Variants in ANKFN1 observed in about 807,000 individuals in gnomAD.
The protein encoded by ANKFN1 is ankyrin repeat and fibronectin type III domain containing 1, also known as ankyrin repeat and fibronectin type-III domain-containing protein 1.
A neutral mutation model predicts 108.7 loss-of-function variants in ANKFN1; 74 were observed. That is an observed-to-expected ratio of 0.68 (90% CI 0.56 to 0.83). The LOEUF (loss-of-function observed/expected upper bound fraction) is 0.83. Ranked by LOEUF, ANKFN1 falls within the 40% of genes least tolerant of loss-of-function variation. ANKFN1 has a pLI of 0.00. For missense variants in ANKFN1, 1,505 were observed against 1,382.3 expected (o/e 1.09, Z -1.41); for synonymous variants, 547 against 516.2 (o/e 1.06, Z -0.81).
At chr17:56,245,816 T>C (rs1313972973) in intron 3 of ANKFN1, 5 of 152,068 alleles carry the variant, frequency 3.3e-5, no homozygotes, top group African/African-American at 1.2e-4. Context: ...GCCCTGCTGG[T>C]AATTGGTTTT....
intron 10 of ANKFN1, 37 bp from the exon 11 acceptor site, chr17:56,449,042 T>G (rs1025043389): frequency 2.5e-6 from 4 of 1,593,222 alleles, no homozygotes; most frequent in Non-Finnish European, 3.4e-6. Flanking sequence ...CTCCCCTGTT[T>G]TAAAATTTCA....
At chr17:56,302,033 C>T (rs1325288892) in intron 3 of ANKFN1, among the ~76,000 whole-genome samples, 1 of 152,180 alleles carries the variant, frequency 6.6e-6, no homozygotes, top group East Asian at 1.9e-4. Context: ...TAAGCCTGGT[C>T]CTGGATCATA....
chr17:56,419,426 T>C lies in ANKFN1; in HGVS notation c.911-20901T>C, dbSNP rs1454715358. ...TGAACCTGGGAGGTGGAGGCTGCAG[T>C]GAGCCGAGATCCCGCCATTGCACTC... On this transcript the variant is annotated intron_variant, in intron 8 of 20. Transcript: ENST00000682825. Among the ~76,000 whole-genome samples the C allele has an allele frequency of 2.0e-5, 3 of 150,114 alleles. No homozygotes were observed. In the East Asian group the frequency reaches 5.9e-4, roughly 29 times the overall value.
Position 56,084,703 on chromosome 17 carries a change from T to A in ANKFN1, c.288+38378T>A, listed in dbSNP as rs1905286523. Reference sequence around the variant, plus strand: ...TACAGATAAAATATACCTCATGCTATTCTTTGTTTTCTCCTTGGATTTTCT... The same window carrying A: ...TACAGATAAAATATACCTCATGCTAATCTTTGTTTTCTCCTTGGATTTTCT... On this transcript the variant is annotated intron_variant, in intron 4 of 12. Coordinates refer to the ANKFN1 transcript ENST00000635860. Among the ~76,000 whole-genome samples the A allele has an allele frequency of 2.1e-5, 3 of 145,288 alleles. No homozygotes were observed. The South Asian group carries it at 6.3e-4, about 31-fold the overall frequency.
At position 56,510,410 on chromosome 17, in the gene ANKFN1, T is replaced by C. The variant is rs2051708096; in HGVS notation, c.2645-63T>C. ...TGCGGGGTCAAATGCACTGTTCCTA[T>C]GCCTGTGAAGCAGGCTCTAGCTAAG... On this transcript the variant is annotated intron_variant, in intron 20 of 20. Coordinates refer to ENST00000682825, the MANE Select transcript of ANKFN1 (RefSeq NM_001370326.1). The C allele has an allele frequency of 5.8e-6, 8 of 1,375,274 alleles. No homozygotes were observed. In the South Asian group the frequency reaches 9.6e-5, roughly 17 times the overall value. 85.2% of individuals were successfully genotyped at this position (1,375,274 alleles called of 1,614,324 possible). A position where few individuals can be genotyped will look rare whatever the true frequency, so the allele number is the denominator to read the frequency against.
chr17:56,304,505 G>A (rs888407876), intron 3 of ANKFN1, among the ~76,000 whole-genome samples: 5 of 152,110 alleles, frequency 3.3e-5, no homozygotes, highest in East Asian at 1.9e-4. Context: ...TGGGATAAAT[G>A]CCTAGTAGTG....
intron 6 of ANKFN1, among the ~76,000 whole-genome samples, chr17:56,357,816 G>A (rs1320178512): frequency 6.6e-6 from 1 of 152,116 alleles, no homozygotes; most frequent in Non-Finnish European, 1.5e-5. Flanking sequence ...GATGAGGTCT[G>A]AAGTTCTTAG....
intron 4 of ANKFN1, among the ~76,000 whole-genome samples, chr17:56,101,986 A>G (rs1369883322): frequency 2.6e-5 from 4 of 152,198 alleles, no homozygotes; most frequent in Non-Finnish European, 4.4e-5. Context: ...ATAGTTTTCA[A>G]AGATTCCATT....
intron 3 of ANKFN1, among the ~76,000 whole-genome samples, chr17:56,283,864 C>A (rs1441129324): frequency 1.3e-5 from 2 of 152,006 alleles, no homozygotes; most frequent in Non-Finnish European, 2.9e-5. Flanking sequence ...AACCAAATAC[C>A]ACCAGTTCCC....
intron 4 of ANKFN1, among the ~76,000 whole-genome samples, chr17:56,067,079 C>T (rs1162125015): frequency 6.6e-6 from 1 of 152,062 alleles, no homozygotes; most frequent in Admixed American, 6.5e-5. Context: ...GTCCTGGCCA[C>T]TCAGGAGGCT....
At chr17:56,121,227 G>A (rs769100393) in intron 4 of ANKFN1, among the ~76,000 whole-genome samples, 3 of 150,908 alleles carry the variant, frequency 2.0e-5, no homozygotes, top group Middle Eastern at 3.2e-3. Flanking sequence ...TCTTGGTGTC[G>A]CCCAGGAGTT....
intron 4 of ANKFN1, among the ~76,000 whole-genome samples, chr17:56,329,213 T>G (rs967939116): frequency 3.9e-5 from 6 of 152,194 alleles, no homozygotes; most frequent in African/African-American, 1.4e-4. Flanking sequence ...CTCTTCAGGC[T>G]TCTTTCCAAA....
chr17:56,330,247 A>AGCTCACATGGCTGTG (rs1555630624), intron 4 of ANKFN1, among the ~76,000 whole-genome samples: 3 of 151,976 alleles, frequency 2.0e-5, no homozygotes, highest in Admixed American at 6.6e-5. Context: ...CAATCATGGC[A>AGCTCACATGGCTGTG]GAAGGCAAAG....
chr17:56,417,434 T>A (rs1471160366), intron 8 of ANKFN1, among the ~76,000 whole-genome samples: 2 of 152,190 alleles, frequency 1.3e-5, no homozygotes, highest in East Asian at 3.9e-4. Flanking sequence ...TGATGCCTTG[T>A]CCCTGCTGTT....
At chr17:56,395,158 C>A (rs545637371) in intron 8 of ANKFN1, among the ~76,000 whole-genome samples, 2 of 152,268 alleles carry the variant, frequency 1.3e-5, no homozygotes, top group Non-Finnish European at 2.9e-5. Context: ...AAGCCATGCT[C>A]ATCTTGAATT....
intron 1 of ANKFN1, among the ~76,000 whole-genome samples, chr17:56,157,287 G>A (rs1909204678): frequency 6.6e-6 from 1 of 152,150 alleles, no homozygotes; most frequent in South Asian, 2.1e-4. Context: ...ATCTAAAACA[G>A]GTGAGGAGGA....
intron 3 of ANKFN1, among the ~76,000 whole-genome samples, chr17:56,294,130 G>T (rs1470062867): frequency 2.6e-5 from 4 of 152,194 alleles, no homozygotes; most frequent in African/African-American, 9.7e-5. Context: ...AATTTGTTTT[G>T]CTATCAGCTA....
intron 6 of ANKFN1, among the ~76,000 whole-genome samples, chr17:56,369,372 C>A (rs561773289): frequency 1.1e-4 from 16 of 152,084 alleles, no homozygotes; most frequent in Admixed American, 9.2e-4. Context: ...AAAGAATGGG[C>A]TTGAAACATT....
intron 3 of ANKFN1, chr17:56,245,806 G>A (rs1474810113): frequency 1.3e-5 from 2 of 152,106 alleles, no homozygotes; most frequent in Non-Finnish European, 2.9e-5. Context: ...ACCTTCAGGA[G>A]CCCTGCTGGT....
Sources: gnomAD v4.1 joint callset for allele counts (sites outside exome capture counted in the v4.1 genomes callset) on GRCh38, gnomAD v4.1.1 for gene constraint, MANE v1.5 for transcripts, NCBI Gene and HGNC (gene_info 2026-07-23, HGNC 2026-07-21) for gene names.